CLN3: variants seen among roughly 807,000 people sequenced by gnomAD.
The protein encoded by CLN3 is CLN3 lysosomal/endosomal transmembrane protein, battenin.
A neutral mutation model predicts 60.7 loss-of-function variants in CLN3; 49 were observed. The observed-to-expected ratio is 0.81, with a 90% CI of 0.64 to 1.02. The LOEUF (loss-of-function observed/expected upper bound fraction) is 1.02, where lower values mean the gene tolerates loss of function less well. Ranked by LOEUF, CLN3 falls within the 50% of genes least tolerant of loss-of-function variation. The pLI is 0.00. For synonymous variants in CLN3, 256 were observed against 245.8 expected (o/e 1.04, Z -0.39); for missense variants, 516 against 557.4 (o/e 0.93, Z 0.75).
intron 10 of CLN3, 127 bp from the exon 11 acceptor site, chr16:28,482,799 G>GAAGT: frequency 9.8e-7 from 1 of 1,015,412 alleles, no homozygotes; most frequent in Non-Finnish European, 1.5e-6. Flanking sequence ...CCACTGGATT[G>GAAGT]GACACTTAAA....
At chr16:28,491,435 C>T in intron 3 of CLN3, 47 bp downstream of exon 3, 1 of 1,606,382 alleles carries the variant, frequency 6.2e-7, no homozygotes, top group South Asian at 1.1e-5. Flanking sequence ...CCGGTCACTT[C>T]CCTCTTCTCA....
chr16:28,474,447 G>A (rs1010864989), downstream of CLN3, among the ~76,000 whole-genome samples: 7 of 151,988 alleles, frequency 4.6e-5, no homozygotes, highest in Non-Finnish European at 1.0e-4. Context: ...GCAACAGAGC[G>A]AGACTGTCTC....
Position 28,483,233 on chromosome 16 carries a change from A to T in CLN3, c.791-561T>A, listed in dbSNP as rs574390026. On this transcript the variant is annotated intron_variant, in intron 10 of 15. Transcript: ENST00000636147. ...GTCTCTTTGATTTTTAATTTTTTTTATTTTTTGAGACAGAGTCTCACTCAG... is the reference window on the plus strand; with the variant it reads ...GTCTCTTTGATTTTTAATTTTTTTTTTTTTTTGAGACAGAGTCTCACTCAG... Among the ~76,000 whole-genome samples the T allele has an allele frequency of 2.9e-3, 444 of 151,868 alleles. 4 individuals carry two copies. The highest frequency in any genetic ancestry group is 0.01 in the African/African-American group (425 of 41,456).
At chr16:28,475,380 T>C (rs937588844), downstream of CLN3, 3 of 152,244 alleles carry the variant, frequency 2.0e-5, no homozygotes, top group Non-Finnish European at 4.4e-5. Flanking sequence ...GTTTATTGAG[T>C]GTTGACATGA....
chr16:28,489,476 A>G, intron 3 of CLN3, 90 bp from the exon 4 acceptor site: 1 of 873,674 alleles, frequency 1.1e-6, no homozygotes, highest in Non-Finnish European at 1.9e-6. Context: ...TGTGCCCTTC[A>G]ATCAGCCCCC....
rs750889321 is a variant in CLN3, at chr16:28,487,535, C to G, written c.381G>C (p.Arg127=). Residue 127 remains arginine (R), a synonymous_variant, in exon 7 of 16, where the codon CGG becomes CGC. Transcript: ENST00000636147. The part of the protein sequence containing the change: ...LGLHLLPYSP[R]VLVSGICAAG... ...CAGCACAAATCCCACTGACGAGAAC[C>G]CGGGGGCTGAGGGGGTGAGAAGGGA... The G allele has an allele frequency of 1.9e-6, 3 of 1,613,850 alleles. No homozygotes were observed. The East Asian group carries it at 6.7e-5, about 36-fold the overall frequency.
chr16:28,482,472 C>G lies in CLN3; in HGVS notation c.906+5G>C. 6.2e-7 allele frequency: 1 copy of G among 1,614,218 alleles called. No individual in the cohort carries two copies. Among genetic ancestry groups the G allele is most frequent in the Non-Finnish European group, 8.5e-7 (1 of 1,180,040 alleles). On this transcript the variant is annotated splice_donor_5th_base_variant and intron_variant, in intron 12 of 15. Transcript: ENST00000636147. The stretch of plus-strand genomic sequence containing the variant: ...TCCACACCCCTCCTAGCACCCCTCA[C>G]TTACAAGTCCCTGGTTAATGAAATA...
intron 5 of CLN3, 152 bp from the exon 6 acceptor site, chr16:28,487,893 C>T (rs2046248467): frequency 2.9e-6 from 2 of 684,562 alleles, no homozygotes; most frequent in South Asian, 1.6e-5. Flanking sequence ...TCAGCTCTCC[C>T]ACTCCTTAGT....
At chr16:28,478,249 G>A (rs1009574976) in intron 14 of CLN3, among the ~76,000 whole-genome samples, 8 of 150,384 alleles carry the variant, frequency 5.3e-5, no homozygotes. Context: ...AGGCTGCAGT[G>A]AGCCAAGATC....
At position 28,485,249 on chromosome 16, in the gene CLN3, T is replaced by A. The variant is rs2046187002; in HGVS notation, c.677+1098A>T. Among the ~76,000 whole-genome samples the A allele has an allele frequency of 4.1e-5, 6 of 148,008 alleles. No individual in the cohort carries two copies. The South Asian group carries it at 1.3e-3, about 31-fold the overall frequency. ...TGAGCCACCATGCCCGGCCAAAGTG[T>A]TTTGTAATATGCATGAAAATACACA... is the stretch of plus-strand genomic sequence containing the variant. On this transcript the variant is annotated intron_variant, in intron 9 of 15. Coordinates refer to ENST00000636147, the MANE Select transcript of CLN3 (RefSeq NM_001042432.2).
In CLN3 at chr16:28,486,592, A is replaced by G. The variant is rs983162408; in HGVS notation, c.519T>C (p.Thr173=). 10 of 1,611,134 alleles carry G rather than the reference A, an allele frequency of 6.2e-6. No individual in the cohort carries two copies. The Admixed American group carries it at 1.0e-4, about 16-fold the overall frequency. The change falls in exon 8 of 16, where the codon ACT becomes ACC. Residue 173 remains threonine, a synonymous_variant. Transcript: ENST00000636147. ...CACCTGCTTACCTGGGGTAGAAGGC[A>G]GTGAGGGAGAGGAAGGTGACCTCCC... ...GLGEVTFLSL[T]AFYPRAVISW...
chr16:28,491,932 C>G (rs1596568379), intron 1 of CLN3, 88 bp downstream of exon 1: 28 of 855,510 alleles, frequency 3.3e-5, no homozygotes, highest in Middle Eastern at 3.4e-4. Flanking sequence ...AAGCTGGGGG[C>G]TCCATCTCGA....
At chr16:28,491,335 C>T (rs989525700) in intron 3 of CLN3, 147 bp downstream of exon 3, 2 of 1,149,330 alleles carry the variant, frequency 1.7e-6, no homozygotes, top group African/African-American at 3.1e-5. Context: ...GGAAATTTTA[C>T]ATGCTGCCCC....
chr16:28,482,448 C>T, intron 12 of CLN3, 29 bp downstream of exon 12: 2 of 1,614,060 alleles, frequency 1.2e-6, no homozygotes, highest in Non-Finnish European at 1.7e-6. Context: ...ATCGCCACCT[C>T]CACACCCCTC....
At chr16:28,470,573 GAGGGGGAGGGGAAGGGGAGGGGGAGGGGA>G (rs1358282227), downstream of CLN3, 2 of 94,040 alleles carry the variant, frequency 2.1e-5, no homozygotes, top group Non-Finnish European at 1.7e-5. Flanking sequence ...AGGGGAAGGG[GAGGGGGAGGGGAAGGGGAGGGGGAGGGGA>G]AGGGGAAGGG....
At chr16:28,481,536 A>G (rs1032709605) in intron 14 of CLN3, among the ~76,000 whole-genome samples, 2 of 151,990 alleles carry the variant, frequency 1.3e-5, no homozygotes, top group African/African-American at 4.8e-5. Context: ...ACCCTGAAAA[A>G]TAGGTATTGG....
At chr16:28,472,036 A>G (rs1596615814), downstream of CLN3, among the ~76,000 whole-genome samples, 2 of 152,356 alleles carry the variant, frequency 1.3e-5, no homozygotes, top group Admixed American at 1.3e-4. Context: ...TCTCCAAAAA[A>G]AAAAAGTTGG....
At position 28,491,571 on chromosome 16, in the gene CLN3, G is replaced by T. The variant is rs561083322; in HGVS notation, c.47-11C>A. On this transcript the variant is annotated splice_polypyrimidine_tract_variant and intron_variant, in intron 2 of 15. Coordinates refer to ENST00000636147, the MANE Select transcript of CLN3 (RefSeq NM_001042432.2). ...GGACGGTCTCCTCCCCTGGGAGAGC[G>T]AGAAGAGGGCATGACCCCCACCTAC... 9.9e-6 allele frequency: 16 copies of T among 1,614,028 alleles called. No homozygotes were observed. In the South Asian group the frequency reaches 1.5e-4, roughly 16 times the overall value.
chr16:28,488,079 C>T (rs182759429), intron 5 of CLN3: 4 of 276,338 alleles, frequency 1.4e-5, no homozygotes, highest in Non-Finnish European at 2.8e-5. Flanking sequence ...CTCATTCTGC[C>T]ACCCAGGCTG....
Sources: allele counts gnomAD v4.1 joint callset (sites outside exome capture counted in the v4.1 genomes callset), GRCh38; gene constraint gnomAD v4.1.1; transcripts MANE v1.5; gene names NCBI Gene and HGNC (gene_info 2026-07-23, HGNC 2026-07-21).